DGKQ: variants seen among roughly 807,000 people sequenced by gnomAD.
DGKQ encodes diacylglycerol kinase theta.
In DGKQ, 97 loss-of-function variants were observed where a neutral mutation model predicts 104.2. That is an observed-to-expected ratio of 0.93 (90% CI 0.79 to 1.10). The LOEUF (loss-of-function observed/expected upper bound fraction) is 1.10. Among genes scored for constraint, DGKQ ranks in the 50% least tolerant of loss-of-function variants. The pLI, the probability that DGKQ is intolerant of heterozygous loss-of-function variation, is 0.00. For missense variants in DGKQ, 1,465 were observed against 1,352.1 expected (o/e 1.08, Z -1.31); for synonymous variants, 736 against 595.2 (o/e 1.24, Z -3.44).
At chr4:965,804 G>C (rs1048494907) in intron 13 of DGKQ, 124 bp downstream of exon 13, 4 of 1,148,704 alleles carry the variant, frequency 3.5e-6, no homozygotes, top group Non-Finnish European at 4.8e-6. Context: ...ACGTGGGCTG[G>C]ACCCGGAGCT....
At position 965,986 on chromosome 4, in the gene DGKQ, A is replaced by T; in HGVS notation, c.1521T>A (p.Pro507=). 2 of 1,605,480 alleles carry T rather than the reference A, an allele frequency of 1.2e-6. No individual in the cohort carries two copies. The highest frequency in any genetic ancestry group is 2.2e-5 in the South Asian group (2 of 89,576). Residue 507 remains proline (P), a synonymous_variant, in exon 13 of 23, where the codon CCT becomes CCA. Transcript: ENST00000273814. The part of the protein sequence containing the change: ...PHVSLFVGGL[P]PGLSPEEYSS... ...TGTACTCCTCGGGAGACAGGCCGGGAGGCAGGCCGCCAACAAACAGGGAGA... is the reference window on the plus strand; with the variant it reads ...TGTACTCCTCGGGAGACAGGCCGGGTGGCAGGCCGCCAACAAACAGGGAGA...
Position 967,282 on chromosome 4 carries a change from G to T in DGKQ, c.1067C>A (p.Ala356Asp). 1 of 1,548,466 alleles carries T rather than the reference G, an allele frequency of 6.5e-7. No homozygotes were observed. Among genetic ancestry groups the T allele is most frequent in the East Asian group, 2.4e-5 (1 of 41,490 alleles). The change falls in exon 9 of 23, where the codon GCC becomes GAC. Residue 356 changes from alanine (A) to aspartate (D), a missense_variant. Transcript: ENST00000273814. The part of the protein sequence containing the change: ...ELCRLPPSSQ[A>D]CDAWAGGKAG... ...CTTGCCCCCAGCCCAGGCGTCACAG[G>T]CCTGAGAGGAAGGGGGCAGCCGGCA...
At chr4:968,090 A>C in intron 5 of DGKQ, 63 bp from the exon 6 acceptor site, 2 of 1,241,470 alleles carry the variant, frequency 1.6e-6, no homozygotes, top group Non-Finnish European at 2.1e-6. Context: ...CAGGTGCGCC[A>C]GGTCCAGGGA....
At chr4:968,609 C>A in intron 3 of DGKQ, 45 bp from the exon 4 acceptor site, 2 of 1,537,614 alleles carry the variant, frequency 1.3e-6, no homozygotes, top group Non-Finnish European at 8.8e-7. Flanking sequence ...CCCCGGAGGA[C>A]CCCTGCCTCT....
intron 13 of DGKQ, 51 bp downstream of exon 13, chr4:965,877 G>A (rs767464408): frequency 1.8e-5 from 27 of 1,513,000 alleles, no homozygotes; most frequent in Middle Eastern, 2.1e-4. Context: ...ACTGCCTGCC[G>A]CTCGACCCTG....
rs765302346 is a variant in DGKQ, at chr4:962,527, C to T, written c.2122G>A (p.Asp708Asn). Residue 708 changes from aspartate to asparagine, a missense_variant, in exon 18 of 23, where the codon GAC (aspartate) becomes AAC (asparagine). Transcript: ENST00000273814. ...GTCCAGCGGTCCATGAGCACGGCGT[C>T]GGCCTCGTCCACAGACAGCAGTACG... ...FSVLLSVDEA[D>N]AVLMDRWTIL... The T allele has an allele frequency of 6.2e-6, 10 of 1,609,978 alleles. No homozygotes were observed. Among genetic ancestry groups the T allele is most frequent in the African/African-American group, 4.0e-5 (3 of 74,930 alleles).
Position 971,103 on chromosome 4 carries a change from CCT to C in DGKQ, c.272-33_272-32del, listed in dbSNP as rs773311463. ...GGAATGAGCACTGTGTGAGTTGGCC[CCT>C]GTCCTACCCAATGGCTGTCCTACCC... On this transcript the variant is annotated intron_variant, in intron 1 of 22. Transcript: ENST00000273814. This position sits in a 1 kb window ranked among gnomAD's most constrained non-coding sequence, Gnocchi z 4.0. The C allele has an allele frequency of 2.4e-5, 36 of 1,513,572 alleles. No individual in the cohort carries two copies. Among genetic ancestry groups the C allele is most frequent in the East Asian group, 9.8e-5 (4 of 41,004 alleles). 93.8% of individuals were successfully genotyped at this position (1,513,572 alleles called of 1,614,324 possible).
At chr4:972,745 A>G (rs1713034637) in intron 1 of DGKQ, among the ~76,000 whole-genome samples, 1 of 152,176 alleles carries the variant, frequency 6.6e-6, no homozygotes. Context: ...CCCCAGCAAG[A>G]GCTGGGCAGC....
chr4:970,253 G>A (rs540416540), intron 2 of DGKQ, among the ~76,000 whole-genome samples: 10 of 152,280 alleles, frequency 6.6e-5, no homozygotes, highest in Non-Finnish European at 7.3e-5. Context: ...CCTGCCTCGC[G>A]GCCTGCGCCC....
Position 961,459 on chromosome 4 carries a change from C to T in DGKQ, c.2574+8G>A, listed in dbSNP as rs373760127. 1.8e-5 allele frequency: 28 copies of T among 1,583,886 alleles called. No homozygotes were observed. Among genetic ancestry groups the T allele is most frequent in the Admixed American group, 5.3e-5 (3 of 57,034 alleles). On this transcript the variant is annotated splice_region_variant and intron_variant, in intron 21 of 22. Transcript: ENST00000273814. ...TGGGCTCGCCCGCCCACTCGGCCGG[C>T]GGCTCACCATGTGCACGACGCCCGT...
chr4:961,186 C>T lies in DGKQ; in HGVS notation c.2590G>A (p.Gly864Arg), dbSNP rs1309209837. The change falls in exon 22 of 23, where the codon GGG becomes AGG. Residue 864 changes from glycine (G) to arginine (R), a missense_variant. Transcript: ENST00000273814. ...GVVHMGQVQG[G>R]LRSGIRIAQG... ...GCAATCCGGATTCCGGAGCGCAGCC[C>T]ACCCTGGACCTGGCCCTGGGGCGGG... 1.3e-6 allele frequency: 2 copies of T among 1,571,250 alleles called. No homozygotes were observed. Among genetic ancestry groups the T allele is most frequent in the African/African-American group, 1.4e-5 (1 of 73,684 alleles).
chr4:966,097 G>T lies in DGKQ; in HGVS notation c.1429-19C>A, dbSNP rs1171789681. The T allele has an allele frequency of 1.9e-6, 3 of 1,585,248 alleles. No homozygotes were observed. The highest frequency in any genetic ancestry group is 2.6e-6 in the Non-Finnish European group (3 of 1,164,492). Reference sequence around the variant, plus strand: ...CAGACATCTGCAGGGAGAGGGGCGGGGATGCTGGGCCGGGGAGAACGGCAC... The same window carrying T: ...CAGACATCTGCAGGGAGAGGGGCGGTGATGCTGGGCCGGGGAGAACGGCAC... On this transcript the variant is annotated intron_variant, in intron 12 of 22. Transcript: ENST00000273814.
chr4:967,857 GC>G lies in DGKQ; in HGVS notation c.811+22del, dbSNP rs751379725. 5 of 1,476,612 alleles carry G rather than the reference GC, an allele frequency of 3.4e-6. No individual in the cohort carries two copies. The African/African-American group carries it at 4.3e-5, about 13-fold the overall frequency. The allele number at this position is 1,476,612 out of a possible 1,614,324, so 91.5% of individuals were successfully genotyped here. ...CAGTGCGCAGCCCCCAGCCCAGGGCGCCCCGGCCGGCCCGCACCTCACCCGG... is the reference window on the plus strand; with the variant it reads ...CAGTGCGCAGCCCCCAGCCCAGGGCGCCCGGCCGGCCCGCACCTCACCCGG... On this transcript the variant is annotated intron_variant, in intron 6 of 22. Coordinates refer to ENST00000273814, the MANE Select transcript of DGKQ (RefSeq NM_001347.4).
intron 13 of DGKQ, among the ~76,000 whole-genome samples, 194 bp from the exon 14 acceptor site, chr4:965,723 G>C (rs1000496933): frequency 6.6e-6 from 1 of 152,190 alleles, no homozygotes; most frequent in Non-Finnish European, 1.5e-5. Context: ...GGGAGAGGGA[G>C]AGGCAGAGGC....
chr4:967,549 C>T lies in DGKQ; in HGVS notation c.987G>A (p.Leu329=). ...AGACCTCCCCCAGCCTCCCCCTTAC[C>T]AGCACCTCCTCGGCACCGGCCAGGC... is the stretch of plus-strand genomic sequence containing the variant. The part of the protein sequence containing the change: ...VSRLAGAEEV[L]EAALRAHHIP... The change falls in exon 8 of 23, where the codon CTG becomes CTA. Residue 329 remains leucine (L), a splice_region_variant and synonymous_variant. Coordinates refer to ENST00000273814, the MANE Select transcript of DGKQ (RefSeq NM_001347.4). The T allele has an allele frequency of 6.2e-7, 1 of 1,612,200 alleles. No individual in the cohort carries two copies. The highest frequency in any genetic ancestry group is 1.1e-5 in the South Asian group (1 of 91,076).
intron 8 of DGKQ, 91 bp from the exon 9 acceptor site, chr4:967,452 G>C: frequency 7.0e-7 from 1 of 1,425,110 alleles, no homozygotes; most frequent in Non-Finnish European, 9.5e-7. Flanking sequence ...CCAGGTGGGT[G>C]AGGGGCGCCA....
At position 967,600 on chromosome 4, in the gene DGKQ, G is replaced by A. The variant is rs1291596921; in HGVS notation, c.936C>T (p.Ser312=). The A allele has an allele frequency of 1.9e-6, 3 of 1,612,596 alleles. No individual in the cohort carries two copies. In the African/African-American group the frequency reaches 4.0e-5, roughly 22 times the overall value. ...IFDGDDAVRR[S]QFRLVTVSRL... ...GGGACACCGTGACGAGGCGGAACTG[G>A]CTTCTTCTCACCGCGTCGTCGCCAT... The change falls in exon 8 of 23, where the codon AGC becomes AGT. Residue 312 remains serine, a synonymous_variant. Coordinates refer to ENST00000273814, the MANE Select transcript of DGKQ (RefSeq NM_001347.4).
At position 961,681 on chromosome 4, in the gene DGKQ, C is replaced by A. The variant is rs777556393; in HGVS notation, c.2462+7G>T. The A allele has an allele frequency of 1.2e-6, 2 of 1,612,432 alleles. No homozygotes were observed. ...CAGAGCCTCTGGGGAGCCCCGCCCG[C>A]GAGCACCTGGGGATGTTGATGAAGA... is the stretch of plus-strand genomic sequence containing the variant. On this transcript the variant is annotated splice_region_variant and intron_variant, in intron 20 of 22. Transcript: ENST00000273814.
intron 21 of DGKQ, 56 bp downstream of exon 21, chr4:961,411 G>GCGGGGAC (rs1711873943): frequency 2.0e-6 from 3 of 1,520,874 alleles, no homozygotes; most frequent in Non-Finnish European, 1.8e-6. Flanking sequence ...GCTGGGCTCA[G>GCGGGGAC]CGGGGACCGG....
Sources: gnomAD v4.1 joint callset for allele counts (sites outside exome capture counted in the v4.1 genomes callset) on GRCh38, gnomAD v4.1.1 for gene constraint, Gnocchi (gnomAD v3.1) non-coding constraint, MANE v1.5 for transcripts, NCBI Gene and HGNC (gene_info 2026-07-23, HGNC 2026-07-21) for gene names.